The following CDC37L1 variants were observed in gnomAD, a reference collection of about 807,000 sequenced individuals.
CDC37L1 encodes cell division cycle 37 like 1, HSP90 cochaperone.
A neutral mutation model predicts 45.9 loss-of-function variants in CDC37L1; 32 were observed. The observed-to-expected ratio is 0.70, with a 90% CI of 0.53 to 0.94. The LOEUF is 0.94. CDC37L1 is among the 40% of genes least tolerant of loss of function. The probability of loss-of-function intolerance (pLI) is 0.00; values close to 1 mark genes in which losing one functional copy is unlikely to be tolerated. For synonymous variants in CDC37L1, 150 were observed against 133.0 expected (o/e 1.13, Z -0.88); for missense variants, 434 against 405.7 (o/e 1.07, Z -0.60).
intron 1 of CDC37L1, among the ~76,000 whole-genome samples, chr9:4,682,068 AAAG>A (rs1215378781): frequency 6.6e-6 from 1 of 152,208 alleles, no homozygotes; most frequent in African/African-American, 2.4e-5. Context: ...CGATTTGAGA[AAAG>A]AATATTTGCT....
intron 1 of CDC37L1, among the ~76,000 whole-genome samples, chr9:4,684,459 G>GT (rs1281247834): frequency 3.3e-5 from 5 of 152,124 alleles, no homozygotes; most frequent in African/African-American, 1.2e-4. Context: ...ATAAAAGGAG[G>GT]TTTTTTTGTA....
rs1313029477 is a variant in CDC37L1, at chr9:4,682,329, A to ATTTTTTTTTTTTTTTT, written c.132+2445_132+2446insTTTTTTTTTTTTTTTT. Among the ~76,000 whole-genome samples, 275 of 92,784 alleles carry ATTTTTTTTTTTTTTTT rather than the reference A, an allele frequency of 3.0e-3. 41 individuals are homozygous for ATTTTTTTTTTTTTTTT. Among genetic ancestry groups the ATTTTTTTTTTTTTTTT allele is most frequent in the African/African-American group, 0.012 (206 of 16,540 alleles). 60.9% of individuals were successfully genotyped at this position (92,784 alleles called of 152,430 possible). A position where few individuals can be genotyped will look rare whatever the true frequency, so the allele number is the denominator to read the frequency against. Reference sequence around the variant, plus strand: ...AGGTGCCCACCACTGTGCCCAGCTAATTTTTTTTTTTTTTTGAGATGGAGT... The same window carrying ATTTTTTTTTTTTTTTT: ...AGGTGCCCACCACTGTGCCCAGCTAATTTTTTTTTTTTTTTTTTTTTTTTTTTTTTTGAGATGGAGT... On this transcript the variant is annotated intron_variant, in intron 1 of 6. Coordinates refer to ENST00000381854, the MANE Select transcript of CDC37L1 (RefSeq NM_017913.4).
At chr9:4,688,661 G>A in intron 3 of CDC37L1, 55 bp downstream of exon 3, 2 of 1,139,514 alleles carry the variant, frequency 1.8e-6, no homozygotes, top group East Asian at 2.9e-5. Flanking sequence ...ATATGTACAT[G>A]TGCAAAAAAT....
Position 4,707,823 on chromosome 9 carries a change from C to A in CDC37L1, c.*1711C>A, listed in dbSNP as rs1841459435. ...GACACAGGAGCCATATTCCTAGTTT[C>A]ACAGAAATGTTACTTGAATTATTAT... On this transcript the variant is annotated 3_prime_UTR_variant, in exon 7 of 7. Coordinates refer to ENST00000381854, the MANE Select transcript of CDC37L1 (RefSeq NM_017913.4). 6.6e-6 allele frequency: 1 copy of A among 152,006 alleles called. No individual in the cohort carries two copies. Among genetic ancestry groups the A allele is most frequent in the South Asian group, 2.1e-4 (1 of 4,830 alleles). The allele number at this position is 152,006 out of a possible 1,614,324, so 9.4% of individuals were successfully genotyped here.
intron 3 of CDC37L1, among the ~76,000 whole-genome samples, chr9:4,693,965 C>G (rs987506875): frequency 2.0e-5 from 3 of 152,224 alleles, no homozygotes; most frequent in Admixed American, 2.0e-4. Context: ...TCTAGTCTGT[C>G]TTCTCAGCCG....
intron 2 of CDC37L1, among the ~76,000 whole-genome samples, chr9:4,686,998 T>A (rs1841253205): frequency 6.6e-6 from 1 of 152,260 alleles, no homozygotes; most frequent in African/African-American, 2.4e-5. Context: ...CATCTGTTTC[T>A]TTTTGCTTTT....
intron 2 of CDC37L1, among the ~76,000 whole-genome samples, chr9:4,687,647 C>T (rs571729638): frequency 7.2e-6 from 1 of 138,076 alleles, no homozygotes; most frequent in South Asian, 2.3e-4. Flanking sequence ...CCACTGTACT[C>T]CAGCCTGGGT....
intron 1 of CDC37L1, among the ~76,000 whole-genome samples, chr9:4,682,391 A>G (rs1043532127): frequency 2.8e-5 from 4 of 145,354 alleles, no homozygotes; most frequent in African/African-American, 1.1e-4. Context: ...CAGTGGTGCA[A>G]TCTCGGCTCA....
At position 4,701,841 on chromosome 9, in the gene CDC37L1, GTTT is replaced by G; in HGVS notation, c.748-14_748-12del. On this transcript the variant is annotated intron_variant, in intron 5 of 6. Transcript: ENST00000381854. ...AGAAATCTTGAAGAACACAGTCTTTGTTTTTTTTTTTGTTTTTTCTAGGCAGAG... is the reference window on the plus strand; with the variant it reads ...AGAAATCTTGAAGAACACAGTCTTTGTTTTTTTTGTTTTTTCTAGGCAGAG... 7.5e-7 allele frequency: 1 copy of G among 1,341,480 alleles called. No homozygotes were observed. Among genetic ancestry groups the G allele is most frequent in the South Asian group, 1.4e-5 (1 of 73,070 alleles). The allele number at this position is 1,341,480 out of a possible 1,614,324, so 83.1% of individuals were successfully genotyped here. A position where few individuals can be genotyped will look rare whatever the true frequency, so the allele number is the denominator to read the frequency against.
intron 6 of CDC37L1, among the ~76,000 whole-genome samples, chr9:4,702,888 CAAA>C (rs397829063): frequency 1.2e-4 from 5 of 42,962 alleles, no homozygotes; most frequent in South Asian, 1.1e-3. Context: ...GACTCCGTCT[CAAA>C]AAAAAAAAAA....
rs186719959 is a variant in CDC37L1, at chr9:4,685,965, C to A, written c.414+807C>A. Among the ~76,000 whole-genome samples the A allele has an allele frequency of 2.6e-5, 4 of 152,284 alleles. No individual in the cohort carries two copies. In the East Asian group the frequency reaches 7.7e-4, roughly 29 times the overall value. On this transcript the variant is annotated intron_variant, in intron 2 of 6. Coordinates refer to ENST00000381854, the MANE Select transcript of CDC37L1 (RefSeq NM_017913.4). ...ATCACTTAAGTCCAGGAGTTCAAAA[C>A]CAGTTTGGTTGACATGATGAAACCC...
intron 1 of CDC37L1, among the ~76,000 whole-genome samples, chr9:4,683,293 G>A (rs1293080072): frequency 6.6e-6 from 1 of 151,634 alleles, no homozygotes; most frequent in Non-Finnish European, 1.5e-5. Flanking sequence ...AAGAGGTAGG[G>A]TCCTTGGTTA....
chr9:4,697,707 A>G (rs1488598495), intron 4 of CDC37L1, 50 bp from the exon 5 acceptor site: 25 of 910,402 alleles, frequency 2.7e-5, no homozygotes, highest in Non-Finnish European at 4.2e-5. Flanking sequence ...CAGTATGCCA[A>G]TTAAATATAT....
chr9:4,679,936 G>C (rs750851747), intron 1 of CDC37L1, 37 bp downstream of exon 1: 1 of 1,610,104 alleles, frequency 6.2e-7, no homozygotes, highest in East Asian at 2.2e-5. Context: ...GGGATGGAGT[G>C]GTGCTGTCGC....
intron 3 of CDC37L1, among the ~76,000 whole-genome samples, chr9:4,689,721 G>C (rs1236933728): frequency 1.3e-5 from 2 of 152,168 alleles, no homozygotes; most frequent in East Asian, 3.9e-4. Flanking sequence ...ATCTTAAAAT[G>C]AGCAGAGCCT....
rs566320426 is a variant in CDC37L1 at position 4,695,298 on chromosome 9, C to T, written c.509-1798C>T. On this transcript the variant is annotated intron_variant, in intron 3 of 6. Coordinates refer to ENST00000381854, the MANE Select transcript of CDC37L1 (RefSeq NM_017913.4). ...CATCTGGGCTCAAGGTGTGCTCTCA[C>T]CTCAGCCTCCCAAATAGTGGGGATT... Among the ~76,000 whole-genome samples the T allele has an allele frequency of 2.6e-5, 4 of 152,244 alleles. No homozygotes were observed. The East Asian group carries it at 7.7e-4, about 29-fold the overall frequency.
intron 3 of CDC37L1, among the ~76,000 whole-genome samples, chr9:4,694,843 C>A (rs1439536523): frequency 6.6e-6 from 1 of 152,020 alleles, no homozygotes; most frequent in Non-Finnish European, 1.5e-5. Context: ...GTACTCCAGC[C>A]TGGGCAACAG....
In CDC37L1 at chr9:4,679,828, G is replaced by A; in HGVS notation, c.61G>A (p.Glu21Lys). Residue 21 changes from glutamate to lysine, a missense_variant, in exon 1 of 7, where the codon GAG becomes AAG. Coordinates refer to ENST00000381854, the MANE Select transcript of CDC37L1 (RefSeq NM_017913.4). ...WSLPRAEGEA[E>K]EESDFDVFPS... ...CCTCCCTCGGGCCGAGGGTGAGGCTGAGGAAGAGAGTGACTTCGACGTGTT... is the reference window on the plus strand; with the variant it reads ...CCTCCCTCGGGCCGAGGGTGAGGCTAAGGAAGAGAGTGACTTCGACGTGTT... 6.2e-7 allele frequency: 1 copy of A among 1,613,984 alleles called. No individual in the cohort carries two copies. Among genetic ancestry groups the A allele is most frequent in the Non-Finnish European group, 8.5e-7 (1 of 1,179,960 alleles).
intron 3 of CDC37L1, among the ~76,000 whole-genome samples, chr9:4,695,255 G>C (rs1450353161): frequency 6.6e-6 from 1 of 152,162 alleles, no homozygotes; most frequent in East Asian, 1.9e-4. Flanking sequence ...TGAGGTCATA[G>C]CTCACTGCAG....
Sources: allele counts gnomAD v4.1 joint callset (sites outside exome capture counted in the v4.1 genomes callset), GRCh38; gene constraint gnomAD v4.1.1; transcripts MANE v1.5; gene names NCBI Gene and HGNC (gene_info 2026-07-23, HGNC 2026-07-21).